Variants in DCAF8L2 observed in about 807,000 individuals in gnomAD.
DCAF8L2 encodes the protein DDB1 and CUL4 associated factor 8 like 2, also known as DDB1- and CUL4-associated factor 8-like protein 2.
For synonymous variants in DCAF8L2, 200 were observed against 190.9 expected (o/e 1.05, Z -0.39); for missense variants, 430 against 490.7 (o/e 0.88, Z 1.17).
intron 4 of DCAF8L2, among the ~76,000 whole-genome samples, chrX:27,744,806 C>T (rs1438686106): frequency 9.0e-6 from 1 of 111,329 alleles, no homozygotes; most frequent in African/African-American, 3.3e-5. Flanking sequence ...TTTCCTGCTC[C>T]CTCTCTTACC....
intron 3 of DCAF8L2, among the ~76,000 whole-genome samples, chrX:27,705,346 C>T (rs992559439): frequency 1.8e-5 from 2 of 111,423 alleles, no homozygotes; most frequent in African/African-American, 6.5e-5. Flanking sequence ...CATATGGTAA[C>T]TCCATGACTA....
the DCAF8L2 span, among the ~76,000 whole-genome samples, chrX:27,514,391 C>G: frequency 2.7e-4 from 30 of 109,929 alleles, no homozygotes; most frequent in East Asian, 8.2e-3. Flanking sequence ...TGAAATCGGC[C>G]GCGCGCGGTG....
chrX:27,630,642 A>G (rs1928246968), intron 1 of DCAF8L2, among the ~76,000 whole-genome samples: 2 of 112,495 alleles, frequency 1.8e-5, no homozygotes, highest in African/African-American at 6.5e-5. Context: ...AACAAAATTC[A>G]ATAGTACATT....
intron 4 of DCAF8L2, among the ~76,000 whole-genome samples, chrX:27,739,128 T>C (rs1478100331): frequency 9.0e-6 from 1 of 111,262 alleles, no homozygotes; most frequent in Non-Finnish European, 1.9e-5. Flanking sequence ...ATTGACCCCA[T>C]TTCCCTTTGT....
rs779499820 is a variant in DCAF8L2 at position 27,669,990 on chromosome X, G to A, written c.-219-7846G>A. On this transcript the variant is annotated intron_variant, in intron 2 of 4. Coordinates refer to ENST00000451261, the MANE Select transcript of DCAF8L2 (RefSeq NM_001353450.2). ...TTATAATCCTTTGGGTATATACCCA[G>A]TAATGGGATGGCTGGGTCAAATGGT... Among the ~76,000 whole-genome samples, 20 of 111,657 alleles carry A rather than the reference G, an allele frequency of 1.8e-4. No individual in the cohort carries two copies. The East Asian group carries it at 4.5e-3, about 25-fold the overall frequency.
chrX:27,638,672 T>G (rs1928592602), intron 2 of DCAF8L2, among the ~76,000 whole-genome samples: 1 of 111,763 alleles, frequency 8.9e-6, no homozygotes, highest in Non-Finnish European at 1.9e-5. Context: ...ATGAGAGGTT[T>G]CAGTTTTCAA....
chrX:27,685,799 T>A (rs1930483798), intron 3 of DCAF8L2, among the ~76,000 whole-genome samples: 1 of 111,549 alleles, frequency 9.0e-6, no homozygotes, highest in African/African-American at 3.3e-5. Context: ...AAAGACAACC[T>A]ACAGGATGGG....
the DCAF8L2 span, among the ~76,000 whole-genome samples, chrX:27,474,743 GC>G: frequency 5.4e-5 from 6 of 111,435 alleles, no homozygotes; most frequent in Admixed American, 5.7e-4. Context: ...GAAATGATAG[GC>G]TTTTTGTTCT....
the DCAF8L2 span, among the ~76,000 whole-genome samples, chrX:27,527,283 T>C: frequency 8.9e-6 from 1 of 112,038 alleles, no homozygotes; most frequent in Non-Finnish European, 1.9e-5. Context: ...ACTGCTGTGC[T>C]AGCAATGAGC....
the DCAF8L2 span, among the ~76,000 whole-genome samples, chrX:27,564,118 C>T: frequency 9.0e-6 from 1 of 111,692 alleles, no homozygotes; most frequent in Admixed American, 9.5e-5. Context: ...AGCATGGCTG[C>T]GGAGGCTTTG....
chrX:27,737,560 C>G (rs189027323), intron 4 of DCAF8L2, among the ~76,000 whole-genome samples: 2 of 111,870 alleles, frequency 1.8e-5, no homozygotes, highest in Admixed American at 1.9e-4. Context: ...GCTCAAATAT[C>G]TTTCCTGGAA....
the DCAF8L2 span, among the ~76,000 whole-genome samples, chrX:27,489,288 G>A: frequency 5.4e-5 from 6 of 110,878 alleles, no homozygotes; most frequent in Admixed American, 1.9e-4. Context: ...TAATAGAGAC[G>A]GGGTTTCACC....
the DCAF8L2 span, among the ~76,000 whole-genome samples, chrX:27,579,493 A>G: frequency 2.7e-5 from 3 of 110,242 alleles, no homozygotes; most frequent in African/African-American, 9.9e-5. Flanking sequence ...AGGTGCTGCA[A>G]ACCACCATGG....
chrX:27,747,235 G>A lies in DCAF8L2; in HGVS notation c.340G>A (p.Glu114Lys). Reference protein sequence around the residue: ...PLVGEEETEREEEDEEIQEEG... With the variant: ...PLVGEEETERKEEDEEIQEEG... Reference sequence around the variant, plus strand: ...AGTGGGAGAGGAGGAGACAGAAAGGGAGGAGGAAGACGAAGAGATACAAGA... The same window carrying A: ...AGTGGGAGAGGAGGAGACAGAAAGGAAGGAGGAAGACGAAGAGATACAAGA... The change falls in exon 5 of 5, where the codon GAG becomes AAG. Residue 114 changes from glutamate (E) to lysine (K), a missense_variant. Coordinates refer to ENST00000451261, the MANE Select transcript of DCAF8L2 (RefSeq NM_001353450.2). 1 of 1,162,476 alleles carries A rather than the reference G, an allele frequency of 8.6e-7. No individual in the cohort carries two copies. Among genetic ancestry groups the A allele is most frequent in the African/African-American group, 1.8e-5 (1 of 54,984 alleles).
chrX:27,677,983 T>C (rs920958433), intron 3 of DCAF8L2, 71 bp downstream of exon 3: 1 of 111,637 alleles, frequency 9.0e-6, no homozygotes, highest in Non-Finnish European at 1.9e-5. Flanking sequence ...TGAGATTTAT[T>C]TCTAGACATA....
intron 4 of DCAF8L2, among the ~76,000 whole-genome samples, chrX:27,722,689 G>T (rs748169496): frequency 9.0e-6 from 1 of 110,787 alleles, no homozygotes. Context: ...TAAAGCACAT[G>T]TTTATTATAA....
chrX:27,533,164 G>GAGGAAGAAAGAAAGAA, the DCAF8L2 span, among the ~76,000 whole-genome samples: 1 of 17,351 alleles, frequency 5.8e-5, no homozygotes, highest in Non-Finnish European at 1.4e-4. Flanking sequence ...GAGAGAGAGA[G>GAGGAAGAAAGAAAGAA]AGAAAGAAAG....
chrX:27,679,552 T>C (rs990876199), intron 3 of DCAF8L2, among the ~76,000 whole-genome samples: 1 of 111,034 alleles, frequency 9.0e-6, no homozygotes, highest in African/African-American at 3.3e-5. Context: ...TGCATCCAGT[T>C]CATGACAAGC....
intron 1 of DCAF8L2, among the ~76,000 whole-genome samples, chrX:27,592,684 G>C (rs1052279987): frequency 9.0e-6 from 1 of 110,585 alleles, no homozygotes; most frequent in African/African-American, 3.3e-5. Flanking sequence ...TGATCTGCCC[G>C]CCTCAGCCTC....
Sources: allele counts gnomAD v4.1 joint callset (sites outside exome capture counted in the v4.1 genomes callset), GRCh38; gene constraint gnomAD v4.1.1; transcripts MANE v1.5; gene names NCBI Gene and HGNC (gene_info 2026-07-23, HGNC 2026-07-21).